Variants in ANKH observed in about 807,000 individuals in gnomAD.
ANKH encodes ANKH inorganic pyrophosphate transport regulator, also known as mineralization regulator ANKH.
ANKH carries 15 observed loss-of-function variants against 49.0 expected under a neutral mutation model. The ratio of observed to expected loss-of-function variants is 0.31; its 90% CI spans 0.20 to 0.47. The LOEUF (loss-of-function observed/expected upper bound fraction) is 0.47, where lower values mean the gene tolerates loss of function less well. ANKH is among the 20% of genes least tolerant of loss of function. The probability of loss-of-function intolerance (pLI) is 1.00; values close to 1 mark genes in which losing one functional copy is unlikely to be tolerated. For synonymous variants in ANKH, 273 were observed against 260.0 expected (o/e 1.05, Z -0.48); for missense variants, 429 against 652.0 (o/e 0.66, Z 3.72).
At chr5:14,771,921 G>GAAAAAAAA (rs869185652) in intron 1 of ANKH, among the ~76,000 whole-genome samples, 12 of 53,366 alleles carry the variant, frequency 2.2e-4, no homozygotes, top group African/African-American at 6.2e-4. Flanking sequence ...CTCAAAAAAA[G>GAAAAAAAA]AAAAAAAAAA....
At chr5:14,773,950 T>C (rs1315816944) in intron 1 of ANKH, among the ~76,000 whole-genome samples, 1 of 152,224 alleles carries the variant, frequency 6.6e-6, no homozygotes, top group Non-Finnish European at 1.5e-5. Flanking sequence ...ATATTATTGC[T>C]TGTAAGAAAT....
intron 1 of ANKH, among the ~76,000 whole-genome samples, chr5:14,807,889 C>A (rs1740754387): frequency 6.6e-6 from 1 of 152,056 alleles, no homozygotes; most frequent in Non-Finnish European, 1.5e-5. Context: ...AGATCAATTT[C>A]AGGAAAAAAG....
At chr5:14,866,909 C>T (rs1185055442) in intron 1 of ANKH, among the ~76,000 whole-genome samples, 12 of 152,166 alleles carry the variant, frequency 7.9e-5, no homozygotes, top group South Asian at 2.1e-4. Flanking sequence ...TGGTGGCTCA[C>T]GTTTTGGAAG....
chr5:14,821,696 T>G (rs531366360), intron 1 of ANKH, among the ~76,000 whole-genome samples: 1 of 152,356 alleles, frequency 6.6e-6, no homozygotes, highest in South Asian at 2.1e-4. Flanking sequence ...AAAAGTAGCC[T>G]GCTAACTAAA....
At chr5:14,811,038 T>C (rs1740867680) in intron 1 of ANKH, among the ~76,000 whole-genome samples, 1 of 152,116 alleles carries the variant, frequency 6.6e-6, no homozygotes, top group Admixed American at 6.6e-5. Context: ...AAGCAAAAGA[T>C]AAATCATGGT....
At position 14,711,089 on chromosome 5, in the gene ANKH, C is replaced by CA. The variant is rs1737166376; in HGVS notation, c.*107dup. Reference sequence around the variant, plus strand: ...TTTAAATCAAGGCCTCTTTCATTACCAAAACAAAACAAAAAAAAGGGAACA... The same window carrying CA: ...TTTAAATCAAGGCCTCTTTCATTACCAAAAACAAAACAAAAAAAAGGGAACA... On this transcript the variant is annotated 3_prime_UTR_variant, in exon 12 of 12. Transcript: ENST00000284268. 5 of 1,033,466 alleles carry CA rather than the reference C, an allele frequency of 4.8e-6. No individual in the cohort carries two copies. In the South Asian group the frequency reaches 6.3e-5, roughly 13 times the overall value. 64.0% of individuals were successfully genotyped at this position (1,033,466 alleles called of 1,614,324 possible). A position where few individuals can be genotyped will look rare whatever the true frequency, so the allele number is the denominator to read the frequency against.
chr5:14,775,271 G>A (rs759798657), intron 1 of ANKH, among the ~76,000 whole-genome samples: 19 of 151,920 alleles, frequency 1.3e-4, no homozygotes, highest in Non-Finnish European at 2.4e-4. Context: ...GTCTTGCTGT[G>A]TGGCCCAGGC....
At position 14,789,320 on chromosome 5, in the gene ANKH, G is replaced by A. The variant is rs142039272; in HGVS notation, c.97-20129C>T. Among the ~76,000 whole-genome samples, 376 of 152,178 alleles carry A rather than the reference G, an allele frequency of 2.5e-3. 2 individuals carry two copies. Among genetic ancestry groups the A allele is most frequent in the Middle Eastern group, 0.014 (4 of 294 alleles). On this transcript the variant is annotated intron_variant, in intron 1 of 11. Coordinates refer to ENST00000284268, the MANE Select transcript of ANKH (RefSeq NM_054027.6). ...TGGTTCCAACCTCAATGTTAGAATC[G>A]TTTTACAAAGTCTGACTTTTGAGCT... is the stretch of plus-strand genomic sequence containing the variant.
chr5:14,776,583 T>C (rs921198008), intron 1 of ANKH, among the ~76,000 whole-genome samples: 1 of 152,166 alleles, frequency 6.6e-6, no homozygotes, highest in Non-Finnish European at 1.5e-5. Flanking sequence ...GTTACTTAGA[T>C]AGGAAGTGCT....
intron 1 of ANKH, among the ~76,000 whole-genome samples, chr5:14,780,158 C>G (rs1739763347): frequency 1.3e-5 from 2 of 151,570 alleles, no homozygotes; most frequent in Non-Finnish European, 2.9e-5. Context: ...GGCGACAGGG[C>G]ATTCAGGAGA....
chr5:14,713,368 T>TA lies in ANKH; in HGVS notation c.1265+175dup, dbSNP rs1332053223. 6.6e-6 allele frequency among the ~76,000 whole-genome samples: 1 copy of TA among 152,196 alleles called. No homozygotes were observed. Among genetic ancestry groups the TA allele is most frequent in the Non-Finnish European group, 1.5e-5 (1 of 68,036 alleles). ...GGGCCTGATTTCAAAAGCACTTTTC[T>TA]AAAATGGATCCCAAGAGCCTCCACC... On this transcript the variant is annotated intron_variant, in intron 10 of 11. Transcript: ENST00000284268. The surrounding 1 kb of genome is among the most constrained non-coding windows in gnomAD (Gnocchi z 4.4).
chr5:14,751,267 C>A, intron 4 of ANKH, 28 bp from the exon 5 acceptor site: 1 of 1,612,262 alleles, frequency 6.2e-7, no homozygotes, highest in South Asian at 1.1e-5. Context: ...GGGAACAGGT[C>A]AGAGGGGAGA....
intron 8 of ANKH, among the ~76,000 whole-genome samples, chr5:14,730,853 G>A (rs1737976353): frequency 6.6e-6 from 1 of 152,224 alleles, no homozygotes; most frequent in South Asian, 2.1e-4. Flanking sequence ...GGGTTCCACT[G>A]GGATGAGGGG....
At chr5:14,838,318 T>C (rs1434873813) in intron 1 of ANKH, among the ~76,000 whole-genome samples, 1 of 151,918 alleles carries the variant, frequency 6.6e-6, no homozygotes, top group Non-Finnish European at 1.5e-5. Flanking sequence ...CACACCAACA[T>C]GGCACATGTA....
rs1244039070 is a variant in ANKH at position 14,787,085 on chromosome 5, AGGT to A, written c.97-17897_97-17895del. Among the ~76,000 whole-genome samples, 4 of 152,154 alleles carry A rather than the reference AGGT, an allele frequency of 2.6e-5. No homozygotes were observed. In the South Asian group the frequency reaches 8.3e-4, roughly 32 times the overall value. ...TTCCAGCACTTTGGAAGGCTGAGGC[AGGT>A]GGATCACCTGAGGTCAGGAGTTCAA... On this transcript the variant is annotated intron_variant, in intron 1 of 11. Transcript: ENST00000284268.
intron 1 of ANKH, among the ~76,000 whole-genome samples, chr5:14,809,170 C>T (rs1740794507): frequency 1.0e-5 from 1 of 100,032 alleles, no homozygotes; most frequent in Admixed American, 1.1e-4. Context: ...GAATATCACA[C>T]TCTGGGGACT....
At chr5:14,857,852 T>G (rs115027056) in intron 1 of ANKH, among the ~76,000 whole-genome samples, 2,594 of 152,206 alleles carry the variant, frequency 0.017, 80 homozygotes, top group African/African-American at 0.06. Context: ...CACAGGCATA[T>G]CCAGACCCAG....
At chr5:14,750,307 A>G (rs1470715642) in intron 5 of ANKH, among the ~76,000 whole-genome samples, 1 of 152,198 alleles carries the variant, frequency 6.6e-6, no homozygotes, top group Non-Finnish European at 1.5e-5. Context: ...TTATACTTAC[A>G]ACAAACAGAA....
rs540010631 is a variant in ANKH, at chr5:14,736,006, CTTT to C, written c.1011+5818_1011+5820del. Among the ~76,000 whole-genome samples, 337 of 83,600 alleles carry C rather than the reference CTTT, an allele frequency of 4.0e-3. 4 individuals are homozygous for C. Among genetic ancestry groups the C allele is most frequent in the African/African-American group, 0.018 (303 of 17,140 alleles). The allele number at this position is 83,600 out of a possible 152,430, so 54.8% of individuals were successfully genotyped here. ...AGAAAGATCCAGAGTAAAAACCTAA[CTTT>C]TTTTTTTTTTTTTTTTTTTTTTTTT... is the stretch of plus-strand genomic sequence containing the variant. On this transcript the variant is annotated intron_variant, in intron 8 of 11. Transcript: ENST00000284268.
Sources: allele counts gnomAD v4.1 joint callset (sites outside exome capture counted in the v4.1 genomes callset), GRCh38; gene constraint gnomAD v4.1.1; non-coding constraint Gnocchi (gnomAD v3.1); transcripts MANE v1.5; gene names NCBI Gene and HGNC (gene_info 2026-07-23, HGNC 2026-07-21).